The following SLC24A2 variants were observed in gnomAD, a reference collection of about 807,000 sequenced individuals.
SLC24A2 encodes the protein sodium/potassium/calcium exchanger 2.
SLC24A2 carries 36 observed loss-of-function variants against 62.0 expected under a neutral mutation model. That is an observed-to-expected ratio of 0.58 (90% CI 0.44 to 0.77). SLC24A2 has a LOEUF of 0.77. Among genes scored for constraint, SLC24A2 ranks in the 30% least tolerant of loss-of-function variants. The probability of loss-of-function intolerance (pLI) is 0.00; values close to 1 mark genes in which losing one functional copy is unlikely to be tolerated. For synonymous variants in SLC24A2, 358 were observed against 294.0 expected (o/e 1.22, Z -2.23); for missense variants, 846 against 817.9 (o/e 1.03, Z -0.42).
At chr9:20,236,540 G>A in the SLC24A2 span, among the ~76,000 whole-genome samples, 16 of 152,156 alleles carry the variant, frequency 1.1e-4, no homozygotes, top group African/African-American at 3.9e-4. Context: ...TCGAAGGGAT[G>A]TCTATTTATC....
intron 5 of SLC24A2, among the ~76,000 whole-genome samples, chr9:19,584,978 T>C (rs1836326529): frequency 6.6e-6 from 1 of 152,150 alleles, no homozygotes; most frequent in South Asian, 2.1e-4. Context: ...ATTAACGACA[T>C]TTAATTATAT....
At chr9:19,757,166 A>G (rs1822168134) in intron 2 of SLC24A2, among the ~76,000 whole-genome samples, 1 of 152,198 alleles carries the variant, frequency 6.6e-6, no homozygotes, top group African/African-American at 2.4e-5. Flanking sequence ...CTGACTAATC[A>G]GATGATAACA....
the SLC24A2 span, among the ~76,000 whole-genome samples, chr9:20,270,801 CA>C: frequency 7.9e-5 from 12 of 152,204 alleles, no homozygotes; most frequent in African/African-American, 2.4e-4. Flanking sequence ...ATTTTAAAAA[CA>C]AAAATGTTTT....
At chr9:20,233,784 T>G in the SLC24A2 span, among the ~76,000 whole-genome samples, 501 of 152,334 alleles carry the variant, frequency 3.3e-3, 1 homozygote, top group Non-Finnish European at 4.9e-3. Flanking sequence ...GTTAGCTGGT[T>G]ATTTTGCTAG....
the SLC24A2 span, among the ~76,000 whole-genome samples, chr9:19,993,630 A>G: frequency 6.6e-6 from 1 of 152,104 alleles, no homozygotes; most frequent in African/African-American, 2.4e-5. Flanking sequence ...TTCATTCCAC[A>G]TCTCCTCCTC....
chr9:19,824,113 C>G, the SLC24A2 span, among the ~76,000 whole-genome samples: 1 of 152,150 alleles, frequency 6.6e-6, no homozygotes, highest in African/African-American at 2.4e-5. Context: ...TAGGCACGGA[C>G]AAGGACTTCA....
the SLC24A2 span, among the ~76,000 whole-genome samples, chr9:20,179,338 G>C: frequency 2.6e-5 from 4 of 152,140 alleles, no homozygotes; most frequent in African/African-American, 9.7e-5. Context: ...GCACGCTAGA[G>C]AATGAGAAGT....
the SLC24A2 span, among the ~76,000 whole-genome samples, chr9:19,950,412 G>C: frequency 8.3e-3 from 1,257 of 152,226 alleles, 19 homozygotes; most frequent in African/African-American, 0.028. Flanking sequence ...CAAGGTTTTT[G>C]CATAATAGAG....
the SLC24A2 span, among the ~76,000 whole-genome samples, chr9:19,833,589 T>G: frequency 6.6e-6 from 1 of 152,224 alleles, no homozygotes; most frequent in Non-Finnish European, 1.5e-5. Context: ...AAGCTTGAAC[T>G]GGGTGGAGCC....
chr9:20,036,244 T>C, the SLC24A2 span, among the ~76,000 whole-genome samples: 1 of 152,220 alleles, frequency 6.6e-6, no homozygotes, highest in Non-Finnish European at 1.5e-5. Context: ...CACAAAGTGA[T>C]GCTATGATTT....
chr9:19,985,845 C>T, the SLC24A2 span, among the ~76,000 whole-genome samples: 17 of 152,214 alleles, frequency 1.1e-4, no homozygotes, highest in Middle Eastern at 3.4e-3. Context: ...AGGGGTAAAT[C>T]TTCATAGCCT....
chr9:20,068,580 T>A, the SLC24A2 span, among the ~76,000 whole-genome samples: 1 of 152,088 alleles, frequency 6.6e-6, no homozygotes, highest in African/African-American at 2.4e-5. Context: ...TCAAGCTAAG[T>A]CTCTCAATAA....
At chr9:19,741,740 A>G (rs1821684442) in intron 2 of SLC24A2, among the ~76,000 whole-genome samples, 1 of 152,178 alleles carries the variant, frequency 6.6e-6, no homozygotes, top group African/African-American at 2.4e-5. Flanking sequence ...CAAGAGTTAT[A>G]TACTCTGTCC....
At chr9:19,916,233 C>G in the SLC24A2 span, among the ~76,000 whole-genome samples, 1 of 151,988 alleles carries the variant, frequency 6.6e-6, no homozygotes, top group Non-Finnish European at 1.5e-5. Flanking sequence ...TGGTTTATTT[C>G]TGGACACTCA....
At chr9:19,757,409 G>C (rs776650946) in intron 2 of SLC24A2, among the ~76,000 whole-genome samples, 14 of 152,116 alleles carry the variant, frequency 9.2e-5, no homozygotes, top group Non-Finnish European at 2.1e-4. Context: ...TTGTAAAGCA[G>C]TTTCTTTTGT....
At chr9:19,819,481 G>A in the SLC24A2 span, among the ~76,000 whole-genome samples, 2,692 of 151,936 alleles carry the variant, frequency 0.018, 43 homozygotes, top group Non-Finnish European at 0.03. Flanking sequence ...AATCTATGAC[G>A]AACTCAAACA....
intron 10 of SLC24A2, among the ~76,000 whole-genome samples, chr9:19,518,246 G>A (rs954240081): frequency 6.6e-6 from 1 of 151,892 alleles, no homozygotes; most frequent in Non-Finnish European, 1.5e-5. Context: ...AAAATCACAA[G>A]CTTAGAATGC....
the SLC24A2 span, among the ~76,000 whole-genome samples, chr9:20,281,184 C>G: frequency 6.6e-6 from 1 of 152,180 alleles, no homozygotes. Context: ...CCAGCCTCAG[C>G]CTCCCAAAGT....
chr9:19,526,057 T>C (rs1050884557), intron 9 of SLC24A2, among the ~76,000 whole-genome samples: 1 of 152,164 alleles, frequency 6.6e-6, no homozygotes, highest in African/African-American at 2.4e-5. Flanking sequence ...ATTATATGTC[T>C]CTATAGATTT....
Sources: gnomAD v4.1 joint callset for allele counts (sites outside exome capture counted in the v4.1 genomes callset) on GRCh38, gnomAD v4.1.1 for gene constraint, MANE v1.5 for transcripts, NCBI Gene and HGNC (gene_info 2026-07-23, HGNC 2026-07-21) for gene names.